The following NHS variants were observed in gnomAD, a reference collection of about 807,000 sequenced individuals.
NHS encodes the protein actin remodeling regulator NHS.
Under a neutral mutation model 72.5 loss-of-function variants are expected in NHS, and 5 were observed. The ratio of observed to expected loss-of-function variants is 0.07; its 90% confidence interval spans 0.04 to 0.14. The LOEUF is 0.14. Among genes scored for constraint, NHS ranks in the 10% least tolerant of loss-of-function variants. The pLI, the probability that NHS is intolerant of heterozygous loss-of-function variation, is 1.00. For missense variants in NHS, 1,072 were observed against 1,355.7 expected (o/e 0.79, Z 3.29); for synonymous variants, 464 against 547.7 (o/e 0.85, Z 2.13).
chrX:17,394,845 C>T (rs2064464825), intron 1 of NHS, among the ~76,000 whole-genome samples: 1 of 111,416 alleles, frequency 9.0e-6, no homozygotes, highest in Non-Finnish European at 1.9e-5. Context: ...AACAAATTCA[C>T]ACATACCACC....
chrX:17,514,910 G>C (rs1052611236), intron 1 of NHS, among the ~76,000 whole-genome samples: 18 of 111,414 alleles, frequency 1.6e-4, no homozygotes, highest in Non-Finnish European at 3.2e-4. Context: ...AGAAATGTGT[G>C]GGGGGGCAGA....
intron 1 of NHS, among the ~76,000 whole-genome samples, chrX:17,404,881 T>C (rs1159421818): frequency 1.8e-5 from 2 of 110,723 alleles, no homozygotes; most frequent in African/African-American, 6.6e-5. Flanking sequence ...TTTTGTGCTC[T>C]TCCACTAAAC....
intron 3 of NHS, among the ~76,000 whole-genome samples, chrX:17,712,106 G>C (rs2066332167): frequency 9.5e-6 from 1 of 105,664 alleles, no homozygotes; most frequent in Non-Finnish European, 1.9e-5. Flanking sequence ...GAGCATTCCA[G>C]TCACTCTACA....
intron 1 of NHS, among the ~76,000 whole-genome samples, chrX:17,554,270 TA>T (rs1193100823): frequency 8.9e-6 from 1 of 112,414 alleles, no homozygotes; most frequent in African/African-American, 3.2e-5. Context: ...CTGCTGTCCG[TA>T]AGGACAGCTG....
chrX:17,426,229 G>A (rs1391009798), intron 1 of NHS, among the ~76,000 whole-genome samples: 2 of 111,610 alleles, frequency 1.8e-5, no homozygotes, highest in Non-Finnish European at 3.8e-5. Context: ...GGCAAATAAG[G>A]GTCCCCACCA....
chrX:17,553,879 T>C (rs747790188), intron 1 of NHS, among the ~76,000 whole-genome samples: 1 of 111,943 alleles, frequency 8.9e-6, no homozygotes, highest in East Asian at 2.8e-4. Context: ...TGGCTATGGA[T>C]GCCTGGGTGT....
At chrX:17,719,933 T>C (rs1038225147) in intron 4 of NHS, among the ~76,000 whole-genome samples, 3 of 110,963 alleles carry the variant, frequency 2.7e-5, no homozygotes, top group Admixed American at 9.6e-5. Context: ...TATTGCTCAT[T>C]CTCTCTCTTT....
intron 1 of NHS, among the ~76,000 whole-genome samples, chrX:17,453,156 T>C (rs2064812720): frequency 1.8e-5 from 2 of 110,727 alleles, no homozygotes; most frequent in Non-Finnish European, 3.8e-5. Context: ...CCACCAAAAA[T>C]TGGCTGTTGA....
intron 1 of NHS, among the ~76,000 whole-genome samples, chrX:17,418,273 G>T (rs1039140711): frequency 1.8e-5 from 2 of 111,714 alleles, no homozygotes; most frequent in Non-Finnish European, 3.8e-5. Flanking sequence ...GAGCAAGATG[G>T]TGCATTCAGA....
At chrX:17,610,891 C>T (rs1213528738) in intron 1 of NHS, among the ~76,000 whole-genome samples, 1 of 112,517 alleles carries the variant, frequency 8.9e-6, no homozygotes, top group African/African-American at 3.2e-5. Context: ...AAACTTCACT[C>T]CGTGTAATCA....
chrX:17,465,452 C>T (rs963942251), intron 1 of NHS, among the ~76,000 whole-genome samples: 1 of 110,963 alleles, frequency 9.0e-6, no homozygotes, highest in Admixed American at 9.6e-5. Context: ...TGGTGCAGGG[C>T]TCAGATAAGG....
At chrX:17,572,297 G>A (rs781444536) in intron 1 of NHS, among the ~76,000 whole-genome samples, 2 of 110,190 alleles carry the variant, frequency 1.8e-5, no homozygotes, top group East Asian at 5.7e-4. Context: ...TTGTGTGGGA[G>A]TCTAAGTCTC....
chrX:17,399,256 C>G (rs1408731220), intron 1 of NHS, among the ~76,000 whole-genome samples: 1 of 110,923 alleles, frequency 9.0e-6, no homozygotes. Context: ...TGCACACCAC[C>G]ACGGCTGGCT....
intron 1 of NHS, among the ~76,000 whole-genome samples, chrX:17,561,574 G>GCGCGCACACACACACA (rs879101977): frequency 1.5e-5 from 1 of 65,387 alleles, no homozygotes; most frequent in Admixed American, 1.9e-4. Context: ...GCGCGCGCGC[G>GCGCGCACACACACACA]CACACACACA....
Position 17,727,416 on chromosome X carries a change from C to T in NHS, c.3310C>T (p.His1104Tyr), listed in dbSNP as rs201263814. 1.5e-4 allele frequency: 179 copies of T among 1,209,661 alleles called. No individual in the cohort carries two copies. In the Admixed American group the frequency reaches 3.8e-3, roughly 25 times the overall value. ...LHNVLNKPFH[H>Y]RHPLHVFTHN... ...TAATGTCTTGAACAAACCATTCCAC[C>T]ACCGTCATCCACTGCATGTTTTTAC... The change falls in exon 7 of 9, where the codon CAC (histidine) becomes TAC (tyrosine). Residue 1104 changes from histidine to tyrosine, a missense_variant. Physicochemically the swap from His to Tyr is moderately conservative, Grantham distance 83 (BLOSUM62 2). Coordinates refer to ENST00000676302, the MANE Select transcript of NHS (RefSeq NM_001291867.2).
intron 1 of NHS, among the ~76,000 whole-genome samples, chrX:17,464,674 T>A (rs2064863428): frequency 8.9e-6 from 1 of 112,725 alleles, no homozygotes; most frequent in South Asian, 3.7e-4. Context: ...GCTGCAAGAA[T>A]CAACTTGGGA....
rs1323608477 is a variant in NHS at position 17,733,801 on chromosome X, AC to A, written c.*1338del. On this transcript the variant is annotated 3_prime_UTR_variant, in exon 9 of 9. Coordinates refer to ENST00000676302, the MANE Select transcript of NHS (RefSeq NM_001291867.2). ...TACAACTGAGTTTTTGTCTGGTTTT[AC>A]TATAGTGTCTGCTTGATGGCAAAAG... is the stretch of plus-strand genomic sequence containing the variant. 8.9e-6 allele frequency: 1 copy of A among 111,840 alleles called. No homozygotes were observed. The highest frequency in any genetic ancestry group is 2.8e-4 in the East Asian group (1 of 3,557). 9.2% of individuals were successfully genotyped at this position (111,840 alleles called of 1,213,427 possible).
At position 17,514,325 on chromosome X, in the gene NHS, A is replaced by C. The variant is rs150771172; in HGVS notation, c.565+138003A>C. Among the ~76,000 whole-genome samples the C allele has an allele frequency of 3.2e-3, 361 of 112,544 alleles. 2 individuals carry two copies. The highest frequency in any genetic ancestry group is 0.023 in the Middle Eastern group (5 of 217). On this transcript the variant is annotated intron_variant, in intron 1 of 8. Transcript: ENST00000676302. ...CTAATCAGCTGCCAGCGTGGCTAGAATAAAGCAGGCAGAAGAATGTGGAAG... is the reference window on the plus strand; with the variant it reads ...CTAATCAGCTGCCAGCGTGGCTAGACTAAAGCAGGCAGAAGAATGTGGAAG...
intron 1 of NHS, among the ~76,000 whole-genome samples, chrX:17,547,581 C>T (rs2065299954): frequency 8.9e-6 from 1 of 112,215 alleles, no homozygotes; most frequent in South Asian, 3.7e-4. Context: ...TAGTTTAATT[C>T]CTTTCAATAA....
Sources: allele counts gnomAD v4.1 joint callset (sites outside exome capture counted in the v4.1 genomes callset), GRCh38; gene constraint gnomAD v4.1.1; transcripts MANE v1.5; gene names NCBI Gene and HGNC (gene_info 2026-07-23, HGNC 2026-07-21).